NKD1: variants seen among roughly 807,000 people sequenced by gnomAD.
NKD1 encodes protein naked cuticle homolog 1.
NKD1 carries 21 observed loss-of-function variants against 56.0 expected under a neutral mutation model. The observed-to-expected ratio is 0.38, with a 90% confidence interval of 0.27 to 0.54. The LOEUF (loss-of-function observed/expected upper bound fraction) is 0.54. Among genes scored for constraint, NKD1 ranks in the 20% least tolerant of loss-of-function variants. NKD1 has a pLI of 0.82. For missense variants in NKD1, 578 were observed against 642.7 expected, an observed-to-expected ratio of 0.90 and a Z score of 1.09; for synonymous variants, 263 against 265.7, an observed-to-expected ratio of 0.99 and a Z score of 0.10.
intron 3 of NKD1, among the ~76,000 whole-genome samples, chr16:50,594,974 C>T (rs533692439): frequency 9.2e-5 from 14 of 152,294 alleles, no homozygotes; most frequent in African/African-American, 2.6e-4. Flanking sequence ...ATTCCCCAAA[C>T]GTCCTGGGCC....
At chr16:50,609,239 C>A (rs1211808635) in intron 4 of NKD1, among the ~76,000 whole-genome samples, 1 of 152,270 alleles carries the variant, frequency 6.6e-6, no homozygotes, top group African/African-American at 2.4e-5. Context: ...GGCCACCCTA[C>A]CTTTCTGAGC....
chr16:50,570,495 G>A (rs1370793101), intron 3 of NKD1, among the ~76,000 whole-genome samples: 4 of 152,202 alleles, frequency 2.6e-5, no homozygotes, highest in African/African-American at 9.6e-5. Context: ...AGCCAGGACC[G>A]ATTCAGATGC....
At chr16:50,604,159 G>A (rs141432653) in intron 3 of NKD1, among the ~76,000 whole-genome samples, 1,783 of 152,318 alleles carry the variant, frequency 0.012, 42 homozygotes, top group African/African-American at 0.041. Context: ...CCACATGTGG[G>A]TTTCCCAGGT....
At chr16:50,570,995 C>A (rs563864264) in intron 3 of NKD1, 1 of 985,340 alleles carries the variant, frequency 1.0e-6, no homozygotes, top group Non-Finnish European at 1.2e-6. Flanking sequence ...GGGCTCATGG[C>A]GGACCCTCCT....
At chr16:50,589,038 G>C (rs1961291611) in intron 3 of NKD1, among the ~76,000 whole-genome samples, 1 of 152,136 alleles carries the variant, frequency 6.6e-6, no homozygotes, top group African/African-American at 2.4e-5. Context: ...CTGGCACATG[G>C]TCAGTGCGGC....
intron 3 of NKD1, among the ~76,000 whole-genome samples, chr16:50,560,999 A>T (rs1960619218): frequency 1.3e-5 from 2 of 152,090 alleles, no homozygotes; most frequent in Admixed American, 6.5e-5. Flanking sequence ...ACTTCTCACT[A>T]GCAGTGTGAC....
At chr16:50,563,116 G>T (rs937202860) in intron 3 of NKD1, among the ~76,000 whole-genome samples, 5 of 152,132 alleles carry the variant, frequency 3.3e-5, no homozygotes, top group African/African-American at 1.2e-4. Flanking sequence ...GGAACCTGTG[G>T]CTTAGAATGT....
intron 3 of NKD1, among the ~76,000 whole-genome samples, chr16:50,567,434 G>A (rs546779263): frequency 2.6e-5 from 4 of 152,190 alleles, no homozygotes; most frequent in African/African-American, 9.6e-5. Context: ...GATTGCTCAG[G>A]AGTTCCCCTG....
At chr16:50,593,161 A>G (rs1233962271) in intron 3 of NKD1, among the ~76,000 whole-genome samples, 1 of 152,096 alleles carries the variant, frequency 6.6e-6, no homozygotes, top group African/African-American at 2.4e-5. Context: ...GAAATTAAAC[A>G]TGTTCTCTGA....
chr16:50,560,291 G>C (rs1381767421), intron 3 of NKD1, among the ~76,000 whole-genome samples: 1 of 152,236 alleles, frequency 6.6e-6, no homozygotes, highest in Non-Finnish European at 1.5e-5. Context: ...TGCAGGCTCA[G>C]TGTGCCCGCG....
intron 3 of NKD1, among the ~76,000 whole-genome samples, chr16:50,562,949 C>T (rs1245457988): frequency 6.7e-6 from 1 of 149,900 alleles, no homozygotes; most frequent in African/African-American, 2.5e-5. Context: ...GTCACTGACA[C>T]CTGCCTCTCT....
At chr16:50,594,912 C>T (rs897888390) in intron 3 of NKD1, among the ~76,000 whole-genome samples, 3 of 152,202 alleles carry the variant, frequency 2.0e-5, no homozygotes, top group Non-Finnish European at 4.4e-5. Context: ...GTGAGCACCT[C>T]GTGGGAGGCC....
At chr16:50,575,295 G>A (rs1204448185) in intron 3 of NKD1, 1 of 985,270 alleles carries the variant, frequency 1.0e-6, no homozygotes, top group African/African-American at 1.7e-5. Context: ...GTGCCCAGAG[G>A]CTGGCTGGTT....
intron 3 of NKD1, among the ~76,000 whole-genome samples, chr16:50,577,983 A>G (rs145061434): frequency 1.7e-3 from 257 of 152,152 alleles, no homozygotes; most frequent in African/African-American, 5.9e-3. Context: ...CTTTCTTTCC[A>G]CTTGTGTTTT....
chr16:50,562,867 C>G (rs1432267850), intron 3 of NKD1, among the ~76,000 whole-genome samples: 1 of 151,916 alleles, frequency 6.6e-6, no homozygotes, highest in East Asian at 1.9e-4. Flanking sequence ...CTCCATGGTT[C>G]TCTCTCCTCT....
intron 2 of NKD1, chr16:50,549,085 A>C: frequency 1.4e-5 from 2 of 148,130 alleles, no homozygotes; most frequent in Non-Finnish European, 2.5e-5. Context: ...TTCTTCCGAT[A>C]TCCTGGCTCC....
rs998465434 is a variant in NKD1, at chr16:50,632,096, C to T, written c.696-185C>T. Among the ~76,000 whole-genome samples, 2 of 152,214 alleles carry T rather than the reference C, an allele frequency of 1.3e-5. No individual in the cohort carries two copies. Among genetic ancestry groups the T allele is most frequent in the East Asian group, 3.8e-4 (2 of 5,196 alleles). ...GGCTGTGGTCTATGGTCTGTCTCTC[C>T]ATCGGCAAGGAGGGAAATGGAGGCA... On this transcript the variant is annotated intron_variant, in intron 8 of 9. Transcript: ENST00000268459. The surrounding 1 kb of genome is among the most constrained non-coding windows in gnomAD (Gnocchi z 4.1).
intron 6 of NKD1, among the ~76,000 whole-genome samples, chr16:50,626,239 T>A (rs1962211404): frequency 1.3e-5 from 2 of 152,228 alleles, no homozygotes; most frequent in Non-Finnish European, 2.9e-5. Context: ...ACTGTATGCA[T>A]CTGTTGGGTG....
chr16:50,591,264 C>G (rs951428094), intron 3 of NKD1, among the ~76,000 whole-genome samples: 4 of 152,266 alleles, frequency 2.6e-5, no homozygotes, highest in African/African-American at 9.6e-5. Flanking sequence ...CTGCGCTTCT[C>G]TCTCCATCTG....
Sources: allele counts gnomAD v4.1 joint callset (sites outside exome capture counted in the v4.1 genomes callset), GRCh38; gene constraint gnomAD v4.1.1; non-coding constraint Gnocchi (gnomAD v3.1); transcripts MANE v1.5; gene names NCBI Gene and HGNC (gene_info 2026-07-23, HGNC 2026-07-21).